Variants in PLGRKT observed in about 807,000 individuals in gnomAD.
PLGRKT encodes the protein plasminogen receptor with a C-terminal lysine, also known as plasminogen receptor (KT).
Under a neutral mutation model 18.5 loss-of-function variants are expected in PLGRKT, and 22 were observed. The observed-to-expected ratio is 1.19, with a 90% CI of 0.85 to 1.70. The LOEUF is 1.70. Ranked by LOEUF, PLGRKT falls within the 40% of genes most tolerant of loss-of-function variation. The pLI is 0.00. For missense variants in PLGRKT, 235 were observed against 174.4 expected (o/e 1.35, Z -1.96); for synonymous variants, 72 against 52.8 (o/e 1.36, Z -1.58).
At chr9:5,397,334 C>G (rs1818069273) in intron 3 of PLGRKT, among the ~76,000 whole-genome samples, 1 of 152,060 alleles carries the variant, frequency 6.6e-6, no homozygotes, top group South Asian at 2.1e-4. Context: ...CCAAAGGCAG[C>G]TCTTCCCTGA....
chr9:5,414,360 G>C (rs906853968), intron 3 of PLGRKT, among the ~76,000 whole-genome samples: 1 of 152,164 alleles, frequency 6.6e-6, no homozygotes, highest in African/African-American at 2.4e-5. Context: ...AGAGACGGAG[G>C]TTTCACCATG....
chr9:5,371,534 C>T (rs1817515675), intron 3 of PLGRKT, among the ~76,000 whole-genome samples: 1 of 152,296 alleles, frequency 6.6e-6, no homozygotes, highest in East Asian at 1.9e-4. Flanking sequence ...GAAAGAAGTG[C>T]CTTTTGTCTC....
At chr9:5,427,230 G>A (rs1024410974) in intron 3 of PLGRKT, among the ~76,000 whole-genome samples, 2 of 152,116 alleles carry the variant, frequency 1.3e-5, no homozygotes, top group African/African-American at 4.8e-5. Context: ...CTGCCTGTTA[G>A]TTACCTAATA....
chr9:5,392,960 G>C (rs979505330), intron 3 of PLGRKT, among the ~76,000 whole-genome samples: 1 of 151,634 alleles, frequency 6.6e-6, no homozygotes, highest in Non-Finnish European at 1.5e-5. Context: ...TCCTGCCTCA[G>C]CCTCCCGAGT....
At chr9:5,407,242 T>C (rs897183015) in intron 3 of PLGRKT, among the ~76,000 whole-genome samples, 3 of 152,162 alleles carry the variant, frequency 2.0e-5, no homozygotes, top group Non-Finnish European at 4.4e-5. Context: ...CCATAATAAA[T>C]AAAATCCTAA....
chr9:5,360,274 T>C (rs1322897033), intron 5 of PLGRKT, among the ~76,000 whole-genome samples: 4 of 152,248 alleles, frequency 2.6e-5, no homozygotes, highest in Admixed American at 6.5e-5. Flanking sequence ...ATCTGCATTA[T>C]TAGCATTTTC....
chr9:5,388,114 G>A (rs941478802), intron 3 of PLGRKT, among the ~76,000 whole-genome samples: 2 of 151,884 alleles, frequency 1.3e-5, no homozygotes, highest in Non-Finnish European at 2.9e-5. Context: ...GAGACTGGAT[G>A]AAATGCCCCA....
chr9:5,432,717 C>T (rs980822114), intron 2 of PLGRKT, among the ~76,000 whole-genome samples: 10 of 152,324 alleles, frequency 6.6e-5, no homozygotes, highest in East Asian at 1.9e-4. Context: ...GGGCTGGTCT[C>T]GAGCTCCTGG....
chr9:5,364,874 G>C lies in PLGRKT; in HGVS notation c.82-2986C>G, dbSNP rs138523326. Among the ~76,000 whole-genome samples the C allele has an allele frequency of 9.8e-5, 15 of 152,288 alleles. No homozygotes were observed. In the East Asian group the frequency reaches 2.9e-3, roughly 29 times the overall value. On this transcript the variant is annotated intron_variant, in intron 3 of 5. Transcript: ENST00000223864. ...GGAAAAGACTAGAATGAACCATGTG[G>C]TACTGGATTAGAGCCAATGACATCC...
At chr9:5,417,623 T>C (rs1025681014) in intron 3 of PLGRKT, among the ~76,000 whole-genome samples, 2 of 150,074 alleles carry the variant, frequency 1.3e-5, no homozygotes, top group Non-Finnish European at 3.0e-5. Flanking sequence ...TTATAGCCAA[T>C]AAAAATCTAG....
chr9:5,417,911 A>G lies in PLGRKT; in HGVS notation c.81+13986T>C, dbSNP rs575658933. ...GAGTTTCAAGGAAAACAAAAAAAGTAGAGAAGCCAGCACTGCATGTCTTAA... is the reference window on the plus strand; with the variant it reads ...GAGTTTCAAGGAAAACAAAAAAAGTGGAGAAGCCAGCACTGCATGTCTTAA... On this transcript the variant is annotated intron_variant, in intron 3 of 5. Coordinates refer to ENST00000223864, the MANE Select transcript of PLGRKT (RefSeq NM_018465.4). Among the ~76,000 whole-genome samples the G allele has an allele frequency of 3.3e-5, 5 of 152,356 alleles. No individual in the cohort carries two copies. In the South Asian group the frequency reaches 1.0e-3, roughly 32 times the overall value.
At chr9:5,367,069 C>CACA (rs1817409949) in intron 3 of PLGRKT, among the ~76,000 whole-genome samples, 1 of 129,132 alleles carries the variant, frequency 7.7e-6, no homozygotes, top group East Asian at 2.2e-4. Context: ...ACACACACAC[C>CACA]CCTAGGAATG....
At chr9:5,438,323 A>T (rs1409802868), upstream of PLGRKT, among the ~76,000 whole-genome samples, 3 of 152,224 alleles carry the variant, frequency 2.0e-5, no homozygotes, top group African/African-American at 7.2e-5. Flanking sequence ...TCTCTCTCCC[A>T]GCCTGAGAGA....
chr9:5,427,568 A>G, intron 3 of PLGRKT, among the ~76,000 whole-genome samples: 1 of 152,210 alleles, frequency 6.6e-6, no homozygotes, highest in Non-Finnish European at 1.5e-5. Flanking sequence ...TGGCTAATTT[A>G]TAAATTAAAC....
intron 3 of PLGRKT, among the ~76,000 whole-genome samples, chr9:5,381,209 G>A (rs1010158918): frequency 7.2e-5 from 11 of 152,354 alleles, no homozygotes; most frequent in African/African-American, 2.4e-4. Flanking sequence ...AAGACAATGG[G>A]GAAAATGTCT....
chr9:5,385,000 T>C (rs2131100185), intron 3 of PLGRKT, among the ~76,000 whole-genome samples: 1 of 152,206 alleles, frequency 6.6e-6, no homozygotes, highest in South Asian at 2.1e-4. Flanking sequence ...GAAGATGAAG[T>C]AGAAATGAAG....
intron 2 of PLGRKT, among the ~76,000 whole-genome samples, chr9:5,432,745 G>T (rs113664270): frequency 6.6e-6 from 1 of 152,208 alleles, no homozygotes; most frequent in Non-Finnish European, 1.5e-5. Flanking sequence ...TGATCTGCCC[G>T]CCTCGGCCTC....
intron 3 of PLGRKT, among the ~76,000 whole-genome samples, chr9:5,366,419 G>A (rs542719109): frequency 9.9e-5 from 15 of 152,064 alleles, no homozygotes; most frequent in Admixed American, 2.0e-4. Flanking sequence ...CTTATCTCTG[G>A]ACCTTTTGAT....
intron 3 of PLGRKT, among the ~76,000 whole-genome samples, chr9:5,382,876 T>C (rs1817773111): frequency 6.6e-6 from 1 of 152,054 alleles, no homozygotes. Flanking sequence ...TGTGGGAACC[T>C]GAATGTGGGT....
Sources: allele counts gnomAD v4.1 joint callset (sites outside exome capture counted in the v4.1 genomes callset), GRCh38; gene constraint gnomAD v4.1.1; transcripts MANE v1.5; gene names NCBI Gene and HGNC (gene_info 2026-07-23, HGNC 2026-07-21).